The following CCDC33 variants were observed in gnomAD, a reference collection of about 807,000 sequenced individuals.
CCDC33 encodes coiled-coil domain-containing protein 33.
Under a neutral mutation model 91.9 loss-of-function variants are expected in CCDC33, and 94 were observed. The observed-to-expected ratio is 1.02, with a 90% confidence interval of 0.87 to 1.21. The LOEUF is 1.21. CCDC33 is among the 50% of genes most tolerant of loss of function. CCDC33 has a pLI of 0.00. For synonymous variants in CCDC33, 396 were observed against 374.5 expected (o/e 1.06, Z -0.66); for missense variants, 940 against 935.5 (o/e 1.00, Z -0.06).
chr15:74,291,475 G>C (rs1267603977), intron 10 of CCDC33, among the ~76,000 whole-genome samples: 2 of 152,278 alleles, frequency 1.3e-5, no homozygotes, highest in African/African-American at 4.8e-5. Context: ...CAGGCGGGCA[G>C]AGCCCAAAGC....
chr15:74,300,343 C>G (rs984959945), intron 11 of CCDC33: 2 of 152,224 alleles, frequency 1.3e-5, no homozygotes, highest in African/African-American at 4.8e-5. Flanking sequence ...GTGTGGAAGA[C>G]GTGGGCAGAC....
intron 7 of CCDC33, among the ~76,000 whole-genome samples, chr15:74,273,363 T>A (rs1170911930): frequency 6.6e-6 from 1 of 152,232 alleles, no homozygotes; most frequent in African/African-American, 2.4e-5. Flanking sequence ...TAGATAGTGG[T>A]GATGGTTACA....
At chr15:74,326,644 C>T (rs2060315603) in intron 11 of CCDC33, among the ~76,000 whole-genome samples, 1 of 152,202 alleles carries the variant, frequency 6.6e-6, no homozygotes, top group African/African-American at 2.4e-5. Context: ...ATGGGGAAAG[C>T]GCAGTGTCAA....
At chr15:74,261,299 A>T (rs756370709) in intron 2 of CCDC33, among the ~76,000 whole-genome samples, 2 of 152,324 alleles carry the variant, frequency 1.3e-5, no homozygotes, top group Middle Eastern at 3.4e-3. Context: ...GCGTCACTTA[A>T]GTCTAAAGGG....
At chr15:74,261,306 A>G (rs1384317601) in intron 2 of CCDC33, among the ~76,000 whole-genome samples, 1 of 152,212 alleles carries the variant, frequency 6.6e-6, no homozygotes, top group Non-Finnish European at 1.5e-5. Flanking sequence ...TTAAGTCTAA[A>G]GGGCAGAGGG....
chr15:74,272,167 G>A lies in CCDC33; in HGVS notation c.638+373G>A, dbSNP rs556067713. 2.6e-5 allele frequency among the ~76,000 whole-genome samples: 4 copies of A among 152,182 alleles called. No individual in the cohort carries two copies. The East Asian group carries it at 7.7e-4, about 29-fold the overall frequency. On this transcript the variant is annotated intron_variant, in intron 6 of 18. Transcript: ENST00000398814. Reference sequence around the variant, plus strand: ...CTCAGCCCCTCCAACCTGCCTCCCTGCCTCACACCCACCACCTCCCCACTC... The same window carrying A: ...CTCAGCCCCTCCAACCTGCCTCCCTACCTCACACCCACCACCTCCCCACTC...
chr15:74,218,367 C>A lies in CCDC33; in HGVS notation c.311-130C>A. On this transcript the variant is annotated intron_variant, in intron 1 of 2. Transcript: ENST00000635913. This position sits in a 1 kb window ranked among gnomAD's most constrained non-coding sequence, Gnocchi z 4.8. ...AGTCGCCTACCAGGGAAATCTTAGCCAAGACTGCTTGGCTTTGACTCAAAG... is the reference window on the plus strand; with the variant it reads ...AGTCGCCTACCAGGGAAATCTTAGCAAAGACTGCTTGGCTTTGACTCAAAG... The A allele has an allele frequency of 2.0e-6, 2 of 998,108 alleles. No homozygotes were observed. Among genetic ancestry groups the A allele is most frequent in the Non-Finnish European group, 2.6e-6 (2 of 765,010 alleles). 61.8% of individuals were successfully genotyped at this position (998,108 alleles called of 1,614,324 possible).
At chr15:74,213,217 A>T (rs370390443), upstream of CCDC33, 1 of 316 alleles carries the variant, frequency 3.2e-3, no homozygotes, top group East Asian at 0.5. Context: ...CTCTGTCTCT[A>T]AAAAAAAAAA....
intron 11 of CCDC33, among the ~76,000 whole-genome samples, chr15:74,325,163 C>T (rs1028375390): frequency 2.6e-5 from 4 of 152,042 alleles, no homozygotes; most frequent in Non-Finnish European, 1.5e-5. Context: ...ATTTCTCTGT[C>T]CATCTTGGTG....
At chr15:74,245,531 A>G (rs1438257961) in intron 2 of CCDC33, among the ~76,000 whole-genome samples, 1 of 152,090 alleles carries the variant, frequency 6.6e-6, no homozygotes. Flanking sequence ...TCATCTCGGG[A>G]GATTGAGGCC....
In CCDC33 at chr15:74,268,327, C is replaced by G. The variant is rs374199015; in HGVS notation, c.430-15C>G. The G allele has an allele frequency of 2.3e-4, 363 of 1,595,126 alleles. No individual in the cohort carries two copies. The highest frequency in any genetic ancestry group is 3.0e-4 in the Non-Finnish European group (354 of 1,163,118). ...TCTCCTTCCTCTGTGTCTTCTGCCC[C>G]AACCCTGTCTCCAGCCCACTGAGTC... On this transcript the variant is annotated splice_polypyrimidine_tract_variant and intron_variant, in intron 4 of 18. Coordinates refer to ENST00000398814, the MANE Select transcript of CCDC33 (RefSeq NM_025055.5).
intron 11 of CCDC33, among the ~76,000 whole-genome samples, chr15:74,329,504 TAGA>T (rs2060381695): frequency 6.6e-6 from 1 of 152,178 alleles, no homozygotes; most frequent in Non-Finnish European, 1.5e-5. Flanking sequence ...ATAAAAAGCT[TAGA>T]AGAAGACCTG....
At chr15:74,326,079 C>CT (rs2060304645) in intron 11 of CCDC33, among the ~76,000 whole-genome samples, 1 of 152,180 alleles carries the variant, frequency 6.6e-6, no homozygotes, top group East Asian at 1.9e-4. Flanking sequence ...AATCCCAGCA[C>CT]TTTGGGAGGT....
chr15:74,217,801 A>G (rs2074486464), intron 1 of CCDC33, among the ~76,000 whole-genome samples: 3 of 152,082 alleles, frequency 2.0e-5, no homozygotes, highest in Admixed American at 6.5e-5. Flanking sequence ...CTGTCACGCA[A>G]GGTCAGGTGA....
At chr15:74,237,913 G>A (rs187717810) in intron 1 of CCDC33, among the ~76,000 whole-genome samples, 21 of 151,982 alleles carry the variant, frequency 1.4e-4, no homozygotes, top group East Asian at 5.8e-4. Flanking sequence ...TGGCGAGGCC[G>A]AGGCAGGAGT....
At chr15:74,275,273 G>T (rs1189002790) in intron 7 of CCDC33, among the ~76,000 whole-genome samples, 1 of 152,198 alleles carries the variant, frequency 6.6e-6, no homozygotes, top group African/African-American at 2.4e-5. Context: ...CCTTTCTCCA[G>T]ACTCATTGAT....
chr15:74,262,397 C>T, intron 2 of CCDC33, 43 bp from the exon 3 acceptor site: 1 of 1,610,372 alleles, frequency 6.2e-7, no homozygotes, highest in Non-Finnish European at 8.5e-7. Context: ...AAGCAGCAGA[C>T]AGAACCCCTC....
Position 74,268,444 on chromosome 15 carries a change from C to G in CCDC33, c.532C>G (p.His178Asp), listed in dbSNP as rs1311053190. ...CATACCCCGCTACATCGGCTGCAAC[C>G]ACATGGCTCTGGAGGTACCAGGGCT... Reference protein sequence around the residue: ...SFIPRYIGCNHMALEIFLRGV... With the variant: ...SFIPRYIGCNDMALEIFLRGV... Residue 178 changes from histidine (H) to aspartate (D), a missense_variant, in exon 5 of 19, where the codon CAC becomes GAC. Transcript: ENST00000398814. 2 of 1,590,448 alleles carry G rather than the reference C, an allele frequency of 1.3e-6. No individual in the cohort carries two copies. The highest frequency in any genetic ancestry group is 1.4e-5 in the African/African-American group (1 of 72,870).
exon 2 of CCDC33, chr15:74,209,533 AG>A: frequency 8.4e-7 from 1 of 1,194,958 alleles, no homozygotes; most frequent in Non-Finnish European, 1.2e-6. Flanking sequence ...CTGGAATTCC[AG>A]GTATGATCTA....
Sources: gnomAD v4.1 joint callset for allele counts (sites outside exome capture counted in the v4.1 genomes callset) on GRCh38, gnomAD v4.1.1 for gene constraint, Gnocchi (gnomAD v3.1) non-coding constraint, MANE v1.5 for transcripts, NCBI Gene and HGNC (gene_info 2026-07-23, HGNC 2026-07-21) for gene names.